SLC4A4: variants seen among roughly 807,000 people sequenced by gnomAD.
The protein encoded by SLC4A4 is electrogenic sodium bicarbonate cotransporter 1.
In SLC4A4, 27 loss-of-function variants were observed where a neutral mutation model predicts 111.5. The ratio of observed to expected loss-of-function variants is 0.24; its 90% CI spans 0.18 to 0.33. SLC4A4 has a LOEUF of 0.33. Ranked by LOEUF, SLC4A4 falls within the 10% of genes least tolerant of loss-of-function variation. The probability of loss-of-function intolerance (pLI) is 1.00; values close to 1 mark genes in which losing one functional copy is unlikely to be tolerated. For missense variants in SLC4A4, 909 were observed against 1,315.5 expected (o/e 0.69, Z 4.78); for synonymous variants, 443 against 463.4 (o/e 0.96, Z 0.57).
Position 71,084,729 on chromosome 4 carries a change from C to T in SLC4A4, c.-64-8001C>T, listed in dbSNP as rs546698335. ...TTCATCCATGTCCCTACAAAGGACA[C>T]GAACTCACCTTTTTTTATGGCTGCG... On this transcript the variant is annotated intron_variant, in intron 1 of 26. Transcript: ENST00000649996. Among the ~76,000 whole-genome samples, 91 of 152,090 alleles carry T rather than the reference C, an allele frequency of 6.0e-4. 1 individual carries two copies. The highest frequency in any genetic ancestry group is 3.5e-3 in the Admixed American group (54 of 15,274).
intron 6 of SLC4A4, among the ~76,000 whole-genome samples, chr4:71,369,162 G>A (rs993187945): frequency 5.3e-5 from 8 of 152,190 alleles, no homozygotes; most frequent in Non-Finnish European, 8.8e-5. Context: ...TGGGGAAAGG[G>A]CAAGGAAGGT....
At chr4:71,385,910 G>T (rs1718672052) in intron 6 of SLC4A4, among the ~76,000 whole-genome samples, 1 of 152,048 alleles carries the variant, frequency 6.6e-6, no homozygotes, top group African/African-American at 2.4e-5. Flanking sequence ...TCCTGCGTTG[G>T]AGACCATATA....
At chr4:71,177,782 T>C (rs908165370) in intron 2 of SLC4A4, among the ~76,000 whole-genome samples, 2 of 151,920 alleles carry the variant, frequency 1.3e-5, no homozygotes, top group African/African-American at 4.8e-5. Context: ...GGACAGAAAG[T>C]TAACAAGGAT....
At position 71,372,295 on chromosome 4, in the gene SLC4A4, C is replaced by T. The variant is rs369511454; in HGVS notation, c.730+15108C>T. 4.1e-4 allele frequency among the ~76,000 whole-genome samples: 63 copies of T among 152,338 alleles called. 1 individual carries two copies. In the South Asian group the frequency reaches 0.013, roughly 31 times the overall value. ...CTAGAGCTCTTATCCATTTCAAATG[C>T]TGCCAAGGTATTGAATTAGAATTTG... On this transcript the variant is annotated intron_variant, in intron 6 of 25. Coordinates refer to ENST00000264485, the MANE Select transcript of SLC4A4 (RefSeq NM_001098484.3).
intron 1 of SLC4A4, among the ~76,000 whole-genome samples, chr4:71,193,116 T>G (rs1010316294): frequency 5.3e-5 from 8 of 152,220 alleles, no homozygotes; most frequent in Non-Finnish European, 1.0e-4. Context: ...GTTTGGGTTG[T>G]TTCCAGTTTT....
intron 2 of SLC4A4, among the ~76,000 whole-genome samples, chr4:71,127,818 T>C (rs1743599169): frequency 6.6e-6 from 1 of 152,162 alleles, no homozygotes; most frequent in Non-Finnish European, 1.5e-5. Context: ...TGATAAGATG[T>C]ACAATTCAAA....
chr4:71,236,234 A>ATTTTT lies in SLC4A4; in HGVS notation c.-1-330_-1-326dup, dbSNP rs34835011. The ATTTTT allele has an allele frequency of 2.3e-5, 22 of 958,382 alleles. No homozygotes were observed. The East Asian group carries it at 1.3e-3, about 58-fold the overall frequency. The allele number at this position is 958,382 out of a possible 1,614,324, so 59.4% of individuals were successfully genotyped here. A position where few individuals can be genotyped will look rare whatever the true frequency, so the allele number is the denominator to read the frequency against. On this transcript the variant is annotated intron_variant, in intron 1 of 25. Coordinates refer to ENST00000264485, the MANE Select transcript of SLC4A4 (RefSeq NM_001098484.3). ...GACACACCAAACTTCCTCTCTTGGT[A>ATTTTT]TTTTTTTTTTTTTTTTGCTTTCATC...
At chr4:71,126,085 T>C (rs1195462018) in intron 2 of SLC4A4, among the ~76,000 whole-genome samples, 2 of 152,200 alleles carry the variant, frequency 1.3e-5, no homozygotes. Context: ...CTCATCAAAA[T>C]TTGTTTTTTA....
At chr4:71,171,977 C>CTGTT (rs1744956282) in intron 2 of SLC4A4, among the ~76,000 whole-genome samples, 1 of 152,168 alleles carries the variant, frequency 6.6e-6, no homozygotes, top group African/African-American at 2.4e-5. Context: ...CTACTTTGTT[C>CTGTT]TGTTTGTCTC....
At chr4:71,334,123 A>C (rs913904312) in intron 3 of SLC4A4, among the ~76,000 whole-genome samples, 1 of 152,102 alleles carries the variant, frequency 6.6e-6, no homozygotes, top group South Asian at 2.1e-4. Flanking sequence ...GCACTGGGTC[A>C]CACCTGAAGC....
intron 1 of SLC4A4, among the ~76,000 whole-genome samples, chr4:71,230,262 C>G (rs745595597): frequency 2.0e-5 from 3 of 152,326 alleles, no homozygotes; most frequent in Non-Finnish European, 4.4e-5. Flanking sequence ...TGTCTTTCAT[C>G]TGATCCAAGA....
At chr4:71,129,705 T>C (rs1173243344) in intron 2 of SLC4A4, among the ~76,000 whole-genome samples, 1 of 143,942 alleles carries the variant, frequency 6.9e-6, no homozygotes, top group Admixed American at 7.4e-5. Flanking sequence ...AGCAAAGATA[T>C]GGAATCAACC....
At chr4:71,280,063 G>A (rs1222093559) in intron 3 of SLC4A4, among the ~76,000 whole-genome samples, 1 of 152,194 alleles carries the variant, frequency 6.6e-6, no homozygotes, top group Non-Finnish European at 1.5e-5. Flanking sequence ...CAAAGTGCTG[G>A]GATCACAGGT....
At chr4:71,186,163 A>G (rs921897261), upstream of SLC4A4, among the ~76,000 whole-genome samples, 4 of 152,230 alleles carry the variant, frequency 2.6e-5, no homozygotes, top group African/African-American at 9.6e-5. Flanking sequence ...CTTGAACCTC[A>G]TTATTAGACT....
chr4:71,241,078 C>T (rs568951538), intron 2 of SLC4A4, among the ~76,000 whole-genome samples: 35 of 152,132 alleles, frequency 2.3e-4, no homozygotes, highest in African/African-American at 8.0e-4. Context: ...GTGATTGTGT[C>T]ACTGCACTCC....
chr4:71,423,761 A>G (rs1722798983), intron 7 of SLC4A4, among the ~76,000 whole-genome samples: 1 of 152,230 alleles, frequency 6.6e-6, no homozygotes, highest in Non-Finnish European at 1.5e-5. Flanking sequence ...TATTTAATAA[A>G]TGGTGCTGGG....
At chr4:71,220,532 C>T (rs892864446) in intron 1 of SLC4A4, among the ~76,000 whole-genome samples, 3 of 152,010 alleles carry the variant, frequency 2.0e-5, no homozygotes, top group Admixed American at 6.6e-5. Context: ...ATAATAATTC[C>T]TTAGTACCGT....
At chr4:71,300,489 T>C in intron 3 of SLC4A4, 1 of 249,000 alleles carries the variant, frequency 4.0e-6, no homozygotes, top group African/African-American at 2.3e-5. Flanking sequence ...CTGCCCATGC[T>C]GACAAGCCTT....
intron 15 of SLC4A4, among the ~76,000 whole-genome samples, chr4:71,491,044 G>T (rs1320504220): frequency 1.3e-5 from 2 of 151,540 alleles, no homozygotes; most frequent in Non-Finnish European, 2.9e-5. Context: ...TTTTTATAGG[G>T]TATCTAGCTT....
Sources: gnomAD v4.1 joint callset for allele counts (sites outside exome capture counted in the v4.1 genomes callset) on GRCh38, gnomAD v4.1.1 for gene constraint, MANE v1.5 for transcripts, NCBI Gene and HGNC (gene_info 2026-07-23, HGNC 2026-07-21) for gene names.